Variants in SHROOM3 observed in about 807,000 individuals in gnomAD.
SHROOM3 encodes the protein shroom family member 3.
In SHROOM3, 47 loss-of-function variants were observed where a neutral mutation model predicts 138.6. The ratio of observed to expected loss-of-function variants is 0.34; its 90% CI spans 0.27 to 0.43. The LOEUF (loss-of-function observed/expected upper bound fraction) is 0.43, where lower values mean the gene tolerates loss of function less well. SHROOM3 is among the 20% of genes least tolerant of loss of function. The pLI is 1.00. For synonymous variants in SHROOM3, 1,062 were observed against 1,063.3 expected (o/e 1.00, Z 0.02); for missense variants, 2,491 against 2,596.5 (o/e 0.96, Z 0.88).
At chr4:76,671,703 G>T (rs990454665) in intron 2 of SHROOM3, among the ~76,000 whole-genome samples, 100 of 152,260 alleles carry the variant, frequency 6.6e-4, no homozygotes, top group African/African-American at 2.4e-3. Flanking sequence ...AATAAAACAT[G>T]TTAATAAAAC....
chr4:76,731,067 G>T, intron 4 of SHROOM3, 132 bp downstream of exon 4: 1 of 1,206,204 alleles, frequency 8.3e-7, no homozygotes, highest in Non-Finnish European at 1.2e-6. Context: ...TCTATCCACT[G>T]CTTTTCTCAT....
chr4:76,722,012 T>C (rs1165439372), intron 3 of SHROOM3, among the ~76,000 whole-genome samples: 2 of 152,182 alleles, frequency 1.3e-5, no homozygotes, highest in African/African-American at 2.4e-5. Flanking sequence ...GTACGTGCTA[T>C]AGTCCTAGCT....
intron 2 of SHROOM3, among the ~76,000 whole-genome samples, chr4:76,652,272 T>C (rs1338671357): frequency 1.3e-5 from 2 of 152,182 alleles, no homozygotes; most frequent in Non-Finnish European, 2.9e-5. Context: ...TCTGGACTGA[T>C]AAGAAGGCAA....
intron 9 of SHROOM3, among the ~76,000 whole-genome samples, chr4:76,765,067 C>G (rs1029271944): frequency 6.8e-6 from 1 of 148,048 alleles, no homozygotes; most frequent in African/African-American, 2.5e-5. Context: ...TTCTGTTGGT[C>G]TGTTTTCAAG....
chr4:76,714,749 C>T (rs1466481613), intron 3 of SHROOM3, among the ~76,000 whole-genome samples: 1 of 152,092 alleles, frequency 6.6e-6, no homozygotes, highest in African/African-American at 2.4e-5. Context: ...ATTTTTTCTA[C>T]ATTTATTAAT....
intron 10 of SHROOM3, among the ~76,000 whole-genome samples, chr4:76,774,739 T>C (rs1722492429): frequency 6.9e-6 from 1 of 145,862 alleles, no homozygotes; most frequent in Admixed American, 6.9e-5. Flanking sequence ...TTTTTTAAGG[T>C]ATGTTTTTCT....
intron 9 of SHROOM3, among the ~76,000 whole-genome samples, chr4:76,769,786 G>T (rs1044944438): frequency 1.3e-5 from 2 of 152,182 alleles, no homozygotes; most frequent in African/African-American, 4.8e-5. Flanking sequence ...CTATAAGATT[G>T]CTGGGAAGAC....
At chr4:76,702,760 A>G (rs547457018) in intron 2 of SHROOM3, among the ~76,000 whole-genome samples, 1 of 152,264 alleles carries the variant, frequency 6.6e-6, no homozygotes, top group East Asian at 1.9e-4. Flanking sequence ...TGGTTTTCTT[A>G]TGCACTTGTC....
At chr4:76,765,306 AG>A (rs1722117016) in intron 9 of SHROOM3, among the ~76,000 whole-genome samples, 1 of 151,170 alleles carries the variant, frequency 6.6e-6, no homozygotes, top group African/African-American at 2.4e-5. Flanking sequence ...CTTGAGTCTA[AG>A]AGTTCAAGAC....
At chr4:76,579,902 G>T (rs1188550839) in intron 2 of SHROOM3, among the ~76,000 whole-genome samples, 2 of 152,172 alleles carry the variant, frequency 1.3e-5, no homozygotes, top group Admixed American at 1.3e-4. Context: ...GATCTCTCCA[G>T]TCCACGGCAA....
At chr4:76,644,211 T>A (rs1403469067) in intron 2 of SHROOM3, 1 of 151,830 alleles carries the variant, frequency 6.6e-6, no homozygotes, top group Non-Finnish European at 1.5e-5. Flanking sequence ...AATCCTTTTT[T>A]CCAAAAGGTG....
chr4:76,552,794 T>TA (rs1387271522), intron 1 of SHROOM3, among the ~76,000 whole-genome samples: 6 of 152,034 alleles, frequency 3.9e-5, no homozygotes, highest in Non-Finnish European at 8.8e-5. Context: ...GAGTAATTAC[T>TA]AAAAAAAGAG....
intron 1 of SHROOM3, among the ~76,000 whole-genome samples, chr4:76,466,562 C>T (rs919244157): frequency 6.6e-5 from 10 of 152,304 alleles, no homozygotes; most frequent in East Asian, 5.8e-4. Flanking sequence ...CTCTGTAATA[C>T]GTTTTAACCT....
chr4:76,698,482 G>A (rs1336713565), intron 2 of SHROOM3, among the ~76,000 whole-genome samples: 1 of 152,128 alleles, frequency 6.6e-6, no homozygotes, highest in Non-Finnish European at 1.5e-5. Flanking sequence ...GTCTAGGGCT[G>A]GAGCAACTTA....
At chr4:76,677,953 G>A (rs1193152749) in intron 2 of SHROOM3, among the ~76,000 whole-genome samples, 2 of 152,140 alleles carry the variant, frequency 1.3e-5, no homozygotes, top group African/African-American at 2.4e-5. Flanking sequence ...TAAAATGTGT[G>A]ATTTGAGGCA....
intron 2 of SHROOM3, among the ~76,000 whole-genome samples, chr4:76,661,089 A>G (rs1736174441): frequency 6.6e-6 from 1 of 151,974 alleles, no homozygotes; most frequent in South Asian, 2.1e-4. Context: ...GAGCCACTGT[A>G]CCTGGCTTAA....
chr4:76,599,963 T>C (rs1734470354), intron 2 of SHROOM3, among the ~76,000 whole-genome samples: 1 of 151,770 alleles, frequency 6.6e-6, no homozygotes, highest in Non-Finnish European at 1.5e-5. Flanking sequence ...CAGGACAACA[T>C]AGCGGACCCT....
intron 2 of SHROOM3, among the ~76,000 whole-genome samples, chr4:76,702,652 A>G (rs1719936056): frequency 6.6e-6 from 1 of 152,082 alleles, no homozygotes; most frequent in Non-Finnish European, 1.5e-5. Context: ...TGCTTGTTGG[A>G]GTTGTCTTAA....
intron 2 of SHROOM3, among the ~76,000 whole-genome samples, chr4:76,674,554 CTTTTTTTTTTT>C (rs11312421): frequency 9.7e-6 from 1 of 103,290 alleles, no homozygotes; most frequent in South Asian, 3.9e-4. Context: ...TCCTTCCTTC[CTTTTTTTTTTT>C]TTTTTTTTTT....
Sources: allele counts gnomAD v4.1 joint callset (sites outside exome capture counted in the v4.1 genomes callset), GRCh38; gene constraint gnomAD v4.1.1; transcripts MANE v1.5; gene names NCBI Gene and HGNC (gene_info 2026-07-23, HGNC 2026-07-21).